Variants in ABRACL observed in about 807,000 individuals in gnomAD.
ABRACL encodes costars family protein ABRACL.
A neutral mutation model predicts 7.0 loss-of-function variants in ABRACL; 4 were observed. That is an observed-to-expected ratio of 0.57 (90% CI 0.28 to 1.30). ABRACL has a LOEUF of 1.30. Ranked by LOEUF, ABRACL falls within the 50% of genes most tolerant of loss-of-function variation. The probability of loss-of-function intolerance (pLI) is 0.10; values close to 1 mark genes in which losing one functional copy is unlikely to be tolerated. For synonymous variants in ABRACL, 30 were observed against 36.0 expected (o/e 0.83, Z 0.60); for missense variants, 104 against 97.3 (o/e 1.07, Z -0.29).
chr6:139,039,181 C>T (rs1262063688), intron 2 of ABRACL, among the ~76,000 whole-genome samples: 1 of 151,764 alleles, frequency 6.6e-6, no homozygotes, highest in East Asian at 1.9e-4. Context: ...GCCGAGACCA[C>T]ACCATAACAC....
intron 2 of ABRACL, among the ~76,000 whole-genome samples, chr6:139,040,905 T>C (rs1304324922): frequency 6.6e-6 from 1 of 152,194 alleles, no homozygotes; most frequent in Non-Finnish European, 1.5e-5. Flanking sequence ...TGGTTGCTGA[T>C]ACTCAGTGTG....
intron 2 of ABRACL, among the ~76,000 whole-genome samples, chr6:139,036,901 A>G (rs987841016): frequency 6.6e-6 from 1 of 152,082 alleles, no homozygotes; most frequent in Admixed American, 6.6e-5. Context: ...GGAGGATTGC[A>G]TGAGCTCAGG....
chr6:139,031,937 A>T (rs1034037670), intron 1 of ABRACL, among the ~76,000 whole-genome samples: 2 of 150,306 alleles, frequency 1.3e-5, no homozygotes, highest in African/African-American at 4.9e-5. Flanking sequence ...GTTGCCCACC[A>T]CACTGCTATT....
intron 1 of ABRACL, among the ~76,000 whole-genome samples, chr6:139,030,682 T>C (rs182562329): frequency 6.6e-6 from 1 of 152,370 alleles, no homozygotes; most frequent in East Asian, 1.9e-4. Flanking sequence ...GAGCTCAGCA[T>C]GTCACGTTTC....
chr6:139,030,162 C>CTT (rs199994653), intron 1 of ABRACL, among the ~76,000 whole-genome samples: 3 of 147,440 alleles, frequency 2.0e-5, no homozygotes, highest in African/African-American at 7.4e-5. Flanking sequence ...TTGTTCTTTT[C>CTT]TTTTTTTTTT....
At chr6:139,029,565 C>T (rs1786047904) in intron 1 of ABRACL, among the ~76,000 whole-genome samples, 2 of 152,136 alleles carry the variant, frequency 1.3e-5, no homozygotes, top group Non-Finnish European at 2.9e-5. Context: ...GGGCCCAGCC[C>T]CGCGCTCCCC....
At chr6:139,039,029 G>C (rs1786205192) in intron 2 of ABRACL, among the ~76,000 whole-genome samples, 1 of 152,152 alleles carries the variant, frequency 6.6e-6, no homozygotes, top group Non-Finnish European at 1.5e-5. Context: ...TTCGAGACCA[G>C]CTTGGCCAAC....
intron 2 of ABRACL, chr6:139,034,459 C>A: frequency 1.4e-6 from 2 of 1,437,156 alleles, no homozygotes; most frequent in Non-Finnish European, 9.2e-7. Flanking sequence ...CATTATTTTT[C>A]GATAGAAAGC....
intron 1 of ABRACL, among the ~76,000 whole-genome samples, chr6:139,033,144 G>C (rs770595372): frequency 6.6e-6 from 1 of 152,236 alleles, no homozygotes; most frequent in Admixed American, 6.5e-5. Flanking sequence ...CACAGTATGT[G>C]TGAAGGCTGG....
At chr6:139,042,571 G>T (rs761836750) in intron 2 of ABRACL, 148 bp from the exon 3 acceptor site, 6 of 690,562 alleles carry the variant, frequency 8.7e-6, no homozygotes, top group Non-Finnish European at 1.5e-5. Context: ...TCAGGGAAGA[G>T]AATATGTTGA....
At chr6:139,039,399 A>G (rs1786211179) in intron 2 of ABRACL, among the ~76,000 whole-genome samples, 1 of 152,178 alleles carries the variant, frequency 6.6e-6, no homozygotes, top group Non-Finnish European at 1.5e-5. Flanking sequence ...AATACATCGA[A>G]CAGTTCTGGA....
chr6:139,040,988 A>G (rs1049664389), intron 2 of ABRACL, among the ~76,000 whole-genome samples: 1 of 152,180 alleles, frequency 6.6e-6, no homozygotes, highest in Non-Finnish European at 1.5e-5. Flanking sequence ...TCAGGTCCCC[A>G]TTTTACACAG....
intron 1 of ABRACL, among the ~76,000 whole-genome samples, chr6:139,031,016 T>C (rs950661940): frequency 3.9e-5 from 6 of 152,220 alleles, no homozygotes; most frequent in African/African-American, 1.4e-4. Flanking sequence ...AATTTCCCCT[T>C]TGATGCTCAT....
Position 139,034,235 on chromosome 6 carries a change from A to C in ABRACL, c.61+14A>C, listed in dbSNP as rs2114303172. 2 of 1,614,222 alleles carry C rather than the reference A, an allele frequency of 1.2e-6. No individual in the cohort carries two copies. The highest frequency in any genetic ancestry group is 1.7e-6 in the Non-Finnish European group (2 of 1,180,050). On this transcript the variant is annotated intron_variant, in intron 2 of 2. Transcript: ENST00000367660. ...TGGGTTCAAAAAGTAAGTATCTGAC[A>C]GAGATAGAGTATTTCTCCTGGCTTT...
intron 2 of ABRACL, among the ~76,000 whole-genome samples, chr6:139,038,234 T>C (rs183728232): frequency 1.3e-5 from 2 of 152,382 alleles, no homozygotes; most frequent in East Asian, 3.9e-4. Context: ...AGTGTCATTA[T>C]TCTGGTAAGG....
chr6:139,042,810 A>G lies in ABRACL; in HGVS notation c.153A>G (p.Lys51=). 1 of 1,614,118 alleles carries G rather than the reference A, an allele frequency of 6.2e-7. No homozygotes were observed. Among genetic ancestry groups the G allele is most frequent in the Non-Finnish European group, 8.5e-7 (1 of 1,179,988 alleles). The stretch of plus-strand genomic sequence containing the variant: ...TTGAAGCATTGGTAGGAACTCTTAA[A>G]GCTGCAAAACGAAGGAAGATTGTAA... The part of the protein sequence containing the change: ...NLFEALVGTL[K]AAKRRKIVTY... Residue 51 remains lysine (K), a synonymous_variant, in exon 3 of 3, where the codon AAA becomes AAG. Coordinates refer to ENST00000367660, the MANE Select transcript of ABRACL (RefSeq NM_021243.3).
rs1472452857 is a variant in ABRACL, at chr6:139,028,807, G to C, written c.-75G>C. ...TTGGCCTCACCCTCCCCAGTGCACT[G>C]AAGAAGGTAACCGGGTCCAGACCCA... On this transcript the variant is annotated 5_prime_UTR_variant, in exon 1 of 3. Coordinates refer to ENST00000367660, the MANE Select transcript of ABRACL (RefSeq NM_021243.3). 6.6e-6 allele frequency: 1 copy of C among 152,610 alleles called. No homozygotes were observed. Among genetic ancestry groups the C allele is most frequent in the African/African-American group, 2.4e-5 (1 of 41,458 alleles). The allele number at this position is 152,610 out of a possible 1,614,324, so 9.5% of individuals were successfully genotyped here.
chr6:139,034,567 C>A, intron 2 of ABRACL: 2 of 692,730 alleles, frequency 2.9e-6, no homozygotes, highest in Non-Finnish European at 4.4e-6. Flanking sequence ...ATGTTTTCTG[C>A]CTTGTTCTGC....
intron 1 of ABRACL, among the ~76,000 whole-genome samples, 174 bp downstream of exon 1, chr6:139,029,049 C>T (rs1302975729): frequency 2.0e-5 from 3 of 152,048 alleles, no homozygotes; most frequent in Non-Finnish European, 4.4e-5. Flanking sequence ...GGGTTGGGGT[C>T]CCGTGGGGCG....
Sources: allele counts gnomAD v4.1 joint callset (sites outside exome capture counted in the v4.1 genomes callset), GRCh38; gene constraint gnomAD v4.1.1; transcripts MANE v1.5; gene names NCBI Gene and HGNC (gene_info 2026-07-23, HGNC 2026-07-21).